GC: variants seen among roughly 807,000 people sequenced by gnomAD.
GC encodes the protein vitamin D-binding protein.
A neutral mutation model predicts 56.7 loss-of-function variants in GC; 43 were observed. The ratio of observed to expected loss-of-function variants is 0.76; its 90% confidence interval spans 0.59 to 0.98. The LOEUF is 0.98. Among genes scored for constraint, GC ranks in the 50% least tolerant of loss-of-function variants. The probability of loss-of-function intolerance (pLI) is 0.00; values close to 1 mark genes in which losing one functional copy is unlikely to be tolerated. For missense variants in GC, 529 were observed against 545.9 expected, an observed-to-expected ratio of 0.97 and a Z score of 0.31; for synonymous variants, 216 against 202.7, an observed-to-expected ratio of 1.07 and a Z score of -0.56.
chr4:71,793,245 C>T (rs1256559482), intron 1 of GC, among the ~76,000 whole-genome samples: 4 of 152,100 alleles, frequency 2.6e-5, no homozygotes, highest in African/African-American at 9.7e-5. Context: ...TATAAATTAC[C>T]TTGGGCAGTA....
intron 1 of GC, among the ~76,000 whole-genome samples, chr4:71,803,534 T>A (rs1312043817): frequency 6.6e-6 from 1 of 152,190 alleles, no homozygotes; most frequent in East Asian, 1.9e-4. Flanking sequence ...GAGAAATGAA[T>A]CCAATTAAAT....
chr4:71,746,639 TG>T (rs145467173), intron 11 of GC, among the ~76,000 whole-genome samples: 1 of 151,788 alleles, frequency 6.6e-6, no homozygotes, highest in East Asian at 2.0e-4. Context: ...GCAAAGGCCT[TG>T]AGGTAAAAGC....
At chr4:71,790,513 C>T (rs1354399493) in intron 1 of GC, among the ~76,000 whole-genome samples, 1 of 151,762 alleles carries the variant, frequency 6.6e-6, no homozygotes, top group South Asian at 2.1e-4. Flanking sequence ...TTTGAATGTA[C>T]ATTCTGATTA....
chr4:71,778,587 A>G (rs942829124), intron 1 of GC, among the ~76,000 whole-genome samples: 4 of 151,886 alleles, frequency 2.6e-5, no homozygotes, highest in Admixed American at 2.0e-4. Flanking sequence ...AGAAGCTAGA[A>G]ATCTAGATTT....
chr4:71,790,932 A>G (rs1463932922), intron 1 of GC, among the ~76,000 whole-genome samples: 1 of 151,794 alleles, frequency 6.6e-6, no homozygotes, highest in Non-Finnish European at 1.5e-5. Context: ...ACACCCCACA[A>G]CAGTCCCCAG....
chr4:71,790,415 C>A (rs1236042721), intron 1 of GC, among the ~76,000 whole-genome samples: 1 of 151,984 alleles, frequency 6.6e-6, no homozygotes, highest in African/African-American at 2.4e-5. Context: ...TTGAAAAGAA[C>A]CATTCAAACA....
At chr4:71,771,731 T>C (rs1742349729) in intron 1 of GC, among the ~76,000 whole-genome samples, 2 of 152,180 alleles carry the variant, frequency 1.3e-5, no homozygotes, top group African/African-American at 4.8e-5. Flanking sequence ...TTCTGAAATG[T>C]ATTGATTAGT....
In GC at chr4:71,771,173, A is replaced by G. The variant is rs964400479; in HGVS notation, c.59-1773T>C. On this transcript the variant is annotated intron_variant, in intron 1 of 12. Transcript: ENST00000273951. ...GGTTGGGAAAGTCATCTCAGGTGATATGATGGTAACTGCTGTCAGGCTTTA... is the reference window on the plus strand; with the variant it reads ...GGTTGGGAAAGTCATCTCAGGTGATGTGATGGTAACTGCTGTCAGGCTTTA... Among the ~76,000 whole-genome samples, 14 of 152,264 alleles carry G rather than the reference A, an allele frequency of 9.2e-5. No homozygotes were observed. The East Asian group carries it at 2.3e-3, about 25-fold the overall frequency.
intron 8 of GC, 41 bp from the exon 9 acceptor site, chr4:71,755,148 C>CTATATATT (rs1553947386): frequency 2.4e-6 from 1 of 422,458 alleles, no homozygotes; most frequent in Non-Finnish European, 3.9e-6. Context: ...TATATATTTC[C>CTATATATT]TATTTATTTA....
upstream of GC, among the ~76,000 whole-genome samples, chr4:71,786,968 T>A (rs1742854343): frequency 6.6e-6 from 1 of 151,868 alleles, no homozygotes; most frequent in South Asian, 2.1e-4. Context: ...ATCTTTAAAG[T>A]TGATGTACAG....
intron 1 of GC, among the ~76,000 whole-genome samples, chr4:71,782,337 G>A (rs1360913141): frequency 6.6e-6 from 1 of 151,774 alleles, no homozygotes; most frequent in African/African-American, 2.4e-5. Context: ...TAAGTAAACT[G>A]CTGACTTGGT....
At chr4:71,768,256 TC>T (rs1287414201) in intron 3 of GC, 44 bp downstream of exon 3, 3 of 1,515,780 alleles carry the variant, frequency 2.0e-6, no homozygotes, top group Non-Finnish European at 2.7e-6. Context: ...TATTTTGGCT[TC>T]CTTCTCTGGG....
At chr4:71,792,839 A>G (rs1454656021) in intron 1 of GC, among the ~76,000 whole-genome samples, 1 of 152,130 alleles carries the variant, frequency 6.6e-6, no homozygotes, top group African/African-American at 2.4e-5. Flanking sequence ...ATTTTTGTGT[A>G]AGGTGTAAGG....
At chr4:71,748,744 G>A (rs1741456638) in intron 11 of GC, among the ~76,000 whole-genome samples, 1 of 152,062 alleles carries the variant, frequency 6.6e-6, no homozygotes, top group African/African-American at 2.4e-5. Context: ...TTTCAAGATT[G>A]GGTGAGGATA....
intron 1 of GC, among the ~76,000 whole-genome samples, chr4:71,790,268 C>T (rs867671888): frequency 3.3e-5 from 5 of 151,888 alleles, no homozygotes; most frequent in African/African-American, 1.2e-4. Flanking sequence ...AACCATTTTG[C>T]ACCAACCAAA....
chr4:71,767,845 T>TA (rs1742205421), intron 3 of GC, among the ~76,000 whole-genome samples: 1 of 151,912 alleles, frequency 6.6e-6, no homozygotes, highest in Admixed American at 6.6e-5. Context: ...CAAAGTCCAT[T>TA]ATATCCTTCT....
chr4:71,753,813 T>G (rs1196234227), intron 10 of GC, among the ~76,000 whole-genome samples: 1 of 152,214 alleles, frequency 6.6e-6, no homozygotes, highest in Admixed American at 6.5e-5. Context: ...TGCCATGAAG[T>G]TAGATAACAT....
chr4:71,743,163 A>T (rs1741244149), intron 12 of GC, among the ~76,000 whole-genome samples: 1 of 152,198 alleles, frequency 6.6e-6, no homozygotes, highest in Admixed American at 6.5e-5. Context: ...GAAACTGTTG[A>T]CTGGAAGACA....
rs1302262562 is a variant in GC at position 71,752,508 on chromosome 4, A to G, written c.1395+10T>C. ...TCTGCCATGTTAAGTGGAGGGTTACATTTTCCTACCTCTGAATCACAGTAA... is the reference window on the plus strand; with the variant it reads ...TCTGCCATGTTAAGTGGAGGGTTACGTTTTCCTACCTCTGAATCACAGTAA... On this transcript the variant is annotated intron_variant, in intron 11 of 12. Coordinates refer to ENST00000273951, the MANE Select transcript of GC (RefSeq NM_000583.4). The G allele has an allele frequency of 6.2e-7, 1 of 1,607,650 alleles. No homozygotes were observed. The highest frequency in any genetic ancestry group is 8.5e-7 in the Non-Finnish European group (1 of 1,177,280).
Sources: allele counts gnomAD v4.1 joint callset (sites outside exome capture counted in the v4.1 genomes callset), GRCh38; gene constraint gnomAD v4.1.1; transcripts MANE v1.5; gene names NCBI Gene and HGNC (gene_info 2026-07-23, HGNC 2026-07-21).